Variants in SPRED2 observed in about 807,000 individuals in gnomAD.
SPRED2 encodes sprouty related EVH1 domain containing 2, also known as sprouty-related, EVH1 domain-containing protein 2.
Under a neutral mutation model 43.0 loss-of-function variants are expected in SPRED2, and 47 were observed. The observed-to-expected ratio is 1.09, with a 90% CI of 0.87 to 1.40. The LOEUF (loss-of-function observed/expected upper bound fraction) is 1.40, where lower values mean the gene tolerates loss of function less well. SPRED2 is among the 40% of genes most tolerant of loss of function. The pLI, the probability that SPRED2 is intolerant of heterozygous loss-of-function variation, is 0.00. For synonymous variants in SPRED2, 225 were observed against 225.7 expected, an observed-to-expected ratio of 1.00 and a Z score of 0.03; for missense variants, 561 against 586.4, an observed-to-expected ratio of 0.96 and a Z score of 0.45.
chr2:65,414,442 T>C (rs970269247), intron 1 of SPRED2, among the ~76,000 whole-genome samples: 3 of 152,232 alleles, frequency 2.0e-5, no homozygotes, highest in African/African-American at 2.4e-5. Flanking sequence ...CTAATATTCC[T>C]GCTGCCTTTG....
At chr2:65,430,315 C>T (rs536050261) in intron 1 of SPRED2, among the ~76,000 whole-genome samples, 1 of 152,096 alleles carries the variant, frequency 6.6e-6, no homozygotes, top group Non-Finnish European at 1.5e-5. Flanking sequence ...CTGCGACAGG[C>T]ACAGCAGCAG....
intron 1 of SPRED2, among the ~76,000 whole-genome samples, chr2:65,366,323 C>CAACAACAACAAT (rs1250058949): frequency 6.6e-6 from 1 of 152,032 alleles, no homozygotes; most frequent in African/African-American, 2.4e-5. Flanking sequence ...ACAACAACAA[C>CAACAACAACAAT]AAAACATTTC....
intron 2 of SPRED2, among the ~76,000 whole-genome samples, chr2:65,336,877 G>A (rs1437156335): frequency 6.6e-6 from 1 of 152,234 alleles, no homozygotes; most frequent in Non-Finnish European, 1.5e-5. Flanking sequence ...GGGAGGCCGA[G>A]GCGGGCGGAT....
intron 1 of SPRED2, among the ~76,000 whole-genome samples, chr2:65,370,554 T>C (rs1419261013): frequency 6.6e-6 from 1 of 152,236 alleles, no homozygotes; most frequent in African/African-American, 2.4e-5. Flanking sequence ...AACATTTGGG[T>C]GAATAAAGAA....
intron 1 of SPRED2, among the ~76,000 whole-genome samples, chr2:65,398,492 G>A (rs1675808410): frequency 6.6e-6 from 1 of 151,678 alleles, no homozygotes; most frequent in Admixed American, 6.6e-5. Flanking sequence ...TCCAACAGAG[G>A]ACTAATATCC....
At chr2:65,398,597 G>T (rs866892968) in intron 1 of SPRED2, among the ~76,000 whole-genome samples, 19 of 152,098 alleles carry the variant, frequency 1.2e-4, no homozygotes, top group South Asian at 6.2e-4. Context: ...TATACAAATG[G>T]CCAACAAGCA....
intron 2 of SPRED2, among the ~76,000 whole-genome samples, chr2:65,343,589 C>T (rs934780689): frequency 1.3e-5 from 2 of 152,170 alleles, no homozygotes; most frequent in Admixed American, 6.5e-5. Context: ...CACAATCCTG[C>T]ACATTCTGAA....
intron 1 of SPRED2, among the ~76,000 whole-genome samples, chr2:65,351,002 G>A (rs1448652172): frequency 6.6e-6 from 1 of 152,208 alleles, no homozygotes; most frequent in Non-Finnish European, 1.5e-5. Flanking sequence ...TAGTGTTACA[G>A]GTCGTGTCAG....
At chr2:65,384,354 C>T (rs764845734) in intron 1 of SPRED2, among the ~76,000 whole-genome samples, 1 of 152,170 alleles carries the variant, frequency 6.6e-6, no homozygotes, top group African/African-American at 2.4e-5. Context: ...CCAAGCTTGA[C>T]GGGCAAAGCT....
intron 1 of SPRED2, among the ~76,000 whole-genome samples, chr2:65,407,119 G>C (rs759903131): frequency 1.3e-5 from 2 of 151,816 alleles, no homozygotes; most frequent in Admixed American, 6.6e-5. Context: ...AGTAGAGATG[G>C]GGTTTCACCA....
chr2:65,407,086 C>G (rs1177804376), intron 1 of SPRED2, among the ~76,000 whole-genome samples: 1 of 152,026 alleles, frequency 6.6e-6, no homozygotes, highest in Non-Finnish European at 1.5e-5. Context: ...CACCACCATG[C>G]CCGGCTAATT....
chr2:65,406,766 C>T (rs186907745), intron 1 of SPRED2, among the ~76,000 whole-genome samples: 6 of 152,320 alleles, frequency 3.9e-5, no homozygotes, highest in Admixed American at 3.9e-4. Context: ...ACCTGTTCCA[C>T]CAGAATGGCC....
chr2:65,417,250 T>G (rs1285739535), intron 1 of SPRED2, among the ~76,000 whole-genome samples: 1 of 152,178 alleles, frequency 6.6e-6, no homozygotes, highest in Non-Finnish European at 1.5e-5. Context: ...GCATAGGTAA[T>G]GTTTCATAAA....
intron 1 of SPRED2, among the ~76,000 whole-genome samples, chr2:65,431,319 G>A: frequency 6.6e-6 from 1 of 151,468 alleles, no homozygotes; most frequent in East Asian, 1.9e-4. Context: ...CGCGTGTGCC[G>A]GCCACAAGCG....
intron 1 of SPRED2, among the ~76,000 whole-genome samples, chr2:65,408,679 C>T (rs1676083969): frequency 6.6e-6 from 1 of 151,842 alleles, no homozygotes; most frequent in Non-Finnish European, 1.5e-5. Context: ...CTTCTGGGAT[C>T]AAGCAATTCT....
intron 1 of SPRED2, among the ~76,000 whole-genome samples, chr2:65,418,357 T>C (rs1165612785): frequency 6.6e-6 from 1 of 152,166 alleles, no homozygotes; most frequent in Non-Finnish European, 1.5e-5. Flanking sequence ...AACTCAGACA[T>C]GGAGTGTCCC....
At chr2:65,420,756 C>T (rs953782045) in intron 1 of SPRED2, among the ~76,000 whole-genome samples, 1 of 152,180 alleles carries the variant, frequency 6.6e-6, no homozygotes, top group Admixed American at 6.5e-5. Flanking sequence ...TGCTTAGGCA[C>T]GTGGGGATTC....
chr2:65,395,516 C>T (rs1675739567), intron 1 of SPRED2, among the ~76,000 whole-genome samples: 1 of 152,184 alleles, frequency 6.6e-6, no homozygotes, highest in South Asian at 2.1e-4. Context: ...TTCTACCACA[C>T]CCCGCATCAC....
chr2:65,308,268 G>A, downstream of SPRED2: 1 of 975,582 alleles, frequency 1.0e-6, no homozygotes. Flanking sequence ...GTGCCACTGA[G>A]CAGGACCCTG....
Sources: gnomAD v4.1 joint callset for allele counts (sites outside exome capture counted in the v4.1 genomes callset) on GRCh38, gnomAD v4.1.1 for gene constraint, MANE v1.5 for transcripts, NCBI Gene and HGNC (gene_info 2026-07-23, HGNC 2026-07-21) for gene names.